Variants in ENKUR observed in about 807,000 individuals in gnomAD.
ENKUR encodes enkurin, TRPC channel interacting protein, also known as enkurin.
Under a neutral mutation model 27.6 loss-of-function variants are expected in ENKUR, and 19 were observed. The observed-to-expected ratio is 0.69, with a 90% CI of 0.48 to 1.01. ENKUR has a LOEUF of 1.01. Ranked by LOEUF, ENKUR falls within the 50% of genes least tolerant of loss-of-function variation. The pLI is 0.00. For missense variants in ENKUR, 312 were observed against 310.5 expected (o/e 1.00, Z -0.04); for synonymous variants, 117 against 96.9 (o/e 1.21, Z -1.22).
At chr10:25,001,311 T>C (rs2132699424) in intron 1 of ENKUR, among the ~76,000 whole-genome samples, 1 of 152,022 alleles carries the variant, frequency 6.6e-6, no homozygotes, top group African/African-American at 2.4e-5. Flanking sequence ...CTGGCTGTTT[T>C]AAACTTTTTT....
intron 1 of ENKUR, among the ~76,000 whole-genome samples, chr10:25,002,481 G>T (rs1034097676): frequency 6.6e-6 from 1 of 152,180 alleles, no homozygotes; most frequent in South Asian, 2.1e-4. Context: ...TCTCTCCAGA[G>T]AGTATGCTGG....
intron 2 of ENKUR, among the ~76,000 whole-genome samples, chr10:25,038,366 G>A (rs1020078740): frequency 5.3e-5 from 8 of 152,122 alleles, no homozygotes; most frequent in Admixed American, 6.5e-5. Context: ...CCTGTCTGTC[G>A]TATCTCCACT....
At chr10:25,046,656 G>A (rs1851125186) in intron 2 of ENKUR, among the ~76,000 whole-genome samples, 1 of 152,184 alleles carries the variant, frequency 6.6e-6, no homozygotes, top group Non-Finnish European at 1.5e-5. Flanking sequence ...AGGAGATAGT[G>A]CATATAAAGC....
At chr10:25,057,376 T>C (rs1851272286) in intron 2 of ENKUR, among the ~76,000 whole-genome samples, 1 of 128,078 alleles carries the variant, frequency 7.8e-6, no homozygotes, top group African/African-American at 3.2e-5. Context: ...CCTCTGCACT[T>C]TGGTACACAC....
intron 1 of ENKUR, among the ~76,000 whole-genome samples, chr10:25,008,376 T>C (rs75374157): frequency 6.6e-6 from 1 of 152,192 alleles, no homozygotes; most frequent in African/African-American, 2.4e-5. Flanking sequence ...AAACTCTGGA[T>C]CAGGAGAAAA....
intron 3 of ENKUR, among the ~76,000 whole-genome samples, chr10:24,994,913 T>C (rs908869478): frequency 2.6e-5 from 4 of 151,976 alleles, no homozygotes; most frequent in African/African-American, 4.8e-5. Flanking sequence ...TTCCAGCTAC[T>C]TGGGAGGCTG....
chr10:24,996,823 A>G (rs1850070593), intron 2 of ENKUR, among the ~76,000 whole-genome samples: 1 of 152,130 alleles, frequency 6.6e-6, no homozygotes, highest in Non-Finnish European at 1.5e-5. Flanking sequence ...ATGTCCTCCT[A>G]GAATTCATAT....
At chr10:25,053,520 A>G (rs527810577) in intron 2 of ENKUR, among the ~76,000 whole-genome samples, 3 of 152,256 alleles carry the variant, frequency 2.0e-5, no homozygotes, top group Admixed American at 2.0e-4. Context: ...TCTGCATATA[A>G]GTCAGGCCCT....
At chr10:24,996,456 G>GTATATA (rs1554769551) in intron 2 of ENKUR, among the ~76,000 whole-genome samples, 114 of 149,804 alleles carry the variant, frequency 7.6e-4, no homozygotes, top group African/African-American at 2.7e-3. Context: ...GTGTGTGTGT[G>GTATATA]TATATATATA....
chr10:25,034,461 G>A (rs1443859056), intron 2 of ENKUR, among the ~76,000 whole-genome samples: 1 of 152,074 alleles, frequency 6.6e-6, no homozygotes, highest in Non-Finnish European at 1.5e-5. Context: ...GAATGATTCC[G>A]TTTCCCAATT....
At chr10:25,024,159 A>G (rs1260643767) in intron 2 of ENKUR, 1 of 1,614,190 alleles carries the variant, frequency 6.2e-7, no homozygotes, top group Admixed American at 1.7e-5. Context: ...GGTTGGGAGA[A>G]ATGATTGAAA....
intron 2 of ENKUR, among the ~76,000 whole-genome samples, chr10:25,059,088 G>A (rs1258214549): frequency 2.7e-5 from 4 of 150,812 alleles, no homozygotes; most frequent in African/African-American, 9.7e-5. Context: ...TATCTAAGAG[G>A]GCACTTCATT....
At chr10:24,990,897 C>G (rs902054047) in intron 3 of ENKUR, among the ~76,000 whole-genome samples, 2 of 152,022 alleles carry the variant, frequency 1.3e-5, no homozygotes, top group Non-Finnish European at 2.9e-5. Flanking sequence ...GTCAGGAGTT[C>G]GAGACCAGCC....
At chr10:25,000,471 TG>T (rs1850161645) in intron 1 of ENKUR, among the ~76,000 whole-genome samples, 1 of 152,168 alleles carries the variant, frequency 6.6e-6, no homozygotes, top group Non-Finnish European at 1.5e-5. Flanking sequence ...AAATAGTTTT[TG>T]CTTTATGTAT....
At chr10:24,985,184 C>T (rs922118652) in intron 4 of ENKUR, among the ~76,000 whole-genome samples, 5 of 152,106 alleles carry the variant, frequency 3.3e-5, no homozygotes, top group African/African-American at 7.2e-5. Context: ...AAAATGTACA[C>T]GCAGAGTTAT....
intron 2 of ENKUR, among the ~76,000 whole-genome samples, chr10:25,034,265 C>G (rs1332818645): frequency 6.6e-6 from 1 of 152,120 alleles, no homozygotes; most frequent in East Asian, 1.9e-4. Context: ...TACCACTGCA[C>G]TATGTGGCAA....
chr10:25,005,645 C>A (rs1850295884), intron 1 of ENKUR, among the ~76,000 whole-genome samples: 1 of 152,194 alleles, frequency 6.6e-6, no homozygotes, highest in Non-Finnish European at 1.5e-5. Context: ...ACACAGATAT[C>A]CCTTAAGTCC....
At chr10:25,003,158 T>A (rs1850228166) in intron 1 of ENKUR, among the ~76,000 whole-genome samples, 1 of 142,294 alleles carries the variant, frequency 7.0e-6, no homozygotes, top group Non-Finnish European at 1.6e-5. Flanking sequence ...TCAGTGTTTC[T>A]TTAATTAATT....
chr10:25,014,512 A>AT (rs1029313078), intron 1 of ENKUR, among the ~76,000 whole-genome samples: 2 of 151,300 alleles, frequency 1.3e-5, no homozygotes, highest in Admixed American at 6.6e-5. Flanking sequence ...GTTCCTATAA[A>AT]TTTTTTTTGA....
Sources: allele counts gnomAD v4.1 joint callset (sites outside exome capture counted in the v4.1 genomes callset), GRCh38; gene constraint gnomAD v4.1.1; transcripts MANE v1.5; gene names NCBI Gene and HGNC (gene_info 2026-07-23, HGNC 2026-07-21).